Variants in RYR1 observed in about 807,000 individuals in gnomAD.
RYR1 encodes central core disease of muscle.
In RYR1, 342 loss-of-function variants were observed where a neutral mutation model predicts 583.5. The observed-to-expected ratio is 0.59, with a 90% CI of 0.54 to 0.64. The LOEUF (loss-of-function observed/expected upper bound fraction) is 0.64, where lower values mean the gene tolerates loss of function less well. RYR1 is among the 30% of genes least tolerant of loss of function. The pLI, the probability that RYR1 is intolerant of heterozygous loss-of-function variation, is 0.00. For missense variants in RYR1, 6,032 were observed against 6,917.2 expected (o/e 0.87, Z 4.54); for synonymous variants, 2,791 against 2,822.5 (o/e 0.99, Z 0.35).
chr19:38,523,994 C>T lies in RYR1; in HGVS notation c.10455+65C>T, dbSNP rs374907503. The T allele has an allele frequency of 1.5e-4, 234 of 1,583,518 alleles. 1 individual carries two copies. In the African/African-American group the frequency reaches 2.7e-3, roughly 18 times the overall value. On this transcript the variant is annotated intron_variant, in intron 70 of 105. Transcript: ENST00000359596. ...TAATGCCCTCTTCCCCCAGCCTCTGCACGCCCCCGCCTCGAGAAAACCCCT... is the reference window on the plus strand; with the variant it reads ...TAATGCCCTCTTCCCCCAGCCTCTGTACGCCCCCGCCTCGAGAAAACCCCT...
intron 100 of RYR1, 21 bp from the exon 101 acceptor site, chr19:38,580,349 C>T (rs1442864252): frequency 6.2e-7 from 1 of 1,613,524 alleles, no homozygotes; most frequent in Non-Finnish European, 8.5e-7. Context: ...CGGAGCTGAC[C>T]TGGCCCCATC....
intron 99 of RYR1, among the ~76,000 whole-genome samples, chr19:38,579,163 G>A (rs1340867506): frequency 3.3e-5 from 5 of 151,460 alleles, no homozygotes; most frequent in South Asian, 2.1e-4. Context: ...GCTCAGGCCT[G>A]TAATCCCAGC....
intron 89 of RYR1, among the ~76,000 whole-genome samples, chr19:38,560,802 T>G (rs1973097057): frequency 6.7e-6 from 1 of 150,312 alleles, no homozygotes; most frequent in South Asian, 2.1e-4. Context: ...GAGGATCCCT[T>G]GAGCCCAGGA....
At chr19:38,448,939 G>C in intron 11 of RYR1, 126 bp downstream of exon 11, 1 of 916,606 alleles carries the variant, frequency 1.1e-6, no homozygotes, top group South Asian at 1.4e-5. Flanking sequence ...GTGAGATGGG[G>C]TGCAGGAGGG....
chr19:38,530,987 CTTTT>C (rs59244176), intron 76 of RYR1, among the ~76,000 whole-genome samples: 3 of 129,374 alleles, frequency 2.3e-5, no homozygotes, highest in Non-Finnish European at 3.2e-5. Flanking sequence ...TTTTCTTTCT[CTTTT>C]TTTTTTTTTT....
Position 38,433,722 on chromosome 19 carries a change from TGTCTCCAGAG to T in RYR1, c.-101_-92del. ...CCATCTACCTCGCGGGTGCCTCTGG[TGTCTCCAGAG>T]GTCTCCGACCCCAGCCCGCCCCCAG... On this transcript the variant is annotated 5_prime_UTR_variant, in exon 1 of 106. Transcript: ENST00000359596. 1.2e-6 allele frequency: 1 copy of T among 808,134 alleles called. No individual in the cohort carries two copies. The highest frequency in any genetic ancestry group is 2.1e-6 in the Non-Finnish European group (1 of 475,414). 50.1% of individuals were successfully genotyped at this position (808,134 alleles called of 1,614,324 possible). A position where few individuals can be genotyped will look rare whatever the true frequency, so the allele number is the denominator to read the frequency against.
At chr19:38,503,927 C>T (rs1304775598) in intron 49 of RYR1, among the ~76,000 whole-genome samples, 1 of 152,136 alleles carries the variant, frequency 6.6e-6, no homozygotes, top group Non-Finnish European at 1.5e-5. Flanking sequence ...ACTACATACC[C>T]ATGGATTAAT....
In RYR1 at chr19:38,504,993, C is replaced by T. The variant is rs1970375792; in HGVS notation, c.8232-10C>T. 10 of 1,614,062 alleles carry T rather than the reference C, an allele frequency of 6.2e-6. No homozygotes were observed. The East Asian group carries it at 2.2e-4, about 36-fold the overall frequency. ...AGCTCCAACATCTGCTGACCCTGTG[C>T]CCCCAACAGTGTGATCATCCCGGAG... On this transcript the variant is annotated splice_polypyrimidine_tract_variant and intron_variant, in intron 51 of 105. Transcript: ENST00000359596.
At position 38,443,584 on chromosome 19, in the gene RYR1, G is replaced by T. The variant is rs144241486; in HGVS notation, c.297G>T (p.Thr99=). 1.2e-6 allele frequency: 2 copies of T among 1,614,098 alleles called. No homozygotes were observed. Among genetic ancestry groups the T allele is most frequent in the Non-Finnish European group, 1.7e-6 (2 of 1,179,976 alleles). ...CATCCCAGGGCGGGGGACACAGGAC[G>T]CTCCTGTATGGCCATGCCATCCTGC... ...VESSQGGGHR[T]LLYGHAILLR... is the part of the protein sequence containing the mutation. Residue 99 remains threonine, a synonymous_variant, in exon 4 of 106, where the codon ACG becomes ACT. Coordinates refer to ENST00000359596, the MANE Select transcript of RYR1 (RefSeq NM_000540.3).
chr19:38,493,565 G>C (rs1969658333), intron 38 of RYR1, among the ~76,000 whole-genome samples: 1 of 148,154 alleles, frequency 6.7e-6, no homozygotes, highest in East Asian at 2.0e-4. Context: ...GCCCAGGCTA[G>C]ATAGAGTGCA....
At chr19:38,437,163 G>A (rs1437680208) in intron 1 of RYR1, among the ~76,000 whole-genome samples, 1 of 151,554 alleles carries the variant, frequency 6.6e-6, no homozygotes, top group Non-Finnish European at 1.5e-5. Context: ...CGATTCTCCT[G>A]TCTCAGCCTC....
At chr19:38,485,499 A>C in intron 33 of RYR1, 91 bp from the exon 34 acceptor site, 1 of 1,509,326 alleles carries the variant, frequency 6.6e-7, no homozygotes, top group South Asian at 1.1e-5. Flanking sequence ...ATGGGTGGAT[A>C]GTGATGAAGG....
chr19:38,506,231 C>A, intron 54 of RYR1, 72 bp from the exon 55 acceptor site: 1 of 1,496,498 alleles, frequency 6.7e-7, no homozygotes, highest in Non-Finnish European at 9.3e-7. Context: ...ACTAGTGGGG[C>A]CTGGGGAGGG....
Position 38,467,772 on chromosome 19 carries a change from T to G in RYR1, c.3341T>G (p.Leu1114Arg). 1 of 1,614,190 alleles carries G rather than the reference T, an allele frequency of 6.2e-7. No homozygotes were observed. Among genetic ancestry groups the G allele is most frequent in the Non-Finnish European group, 8.5e-7 (1 of 1,180,032 alleles). The change falls in exon 25 of 106, where the codon CTG becomes CGG. Residue 1114 changes from leucine to arginine, a missense_variant. Leu to Arg is a moderately radical substitution (Grantham distance 102). Around this residue, in one of 11 missense-constraint regions of RYR1, gnomAD observed 2,627 missense variants for 2,961.3 expected, o/e 0.89. Transcript: ENST00000359596. ...CCCGAGCTGAGGCCTGATGTAGAGCTGGGAGCTGACGAGCTGGCCTATGTC... is the reference window on the plus strand; with the variant it reads ...CCCGAGCTGAGGCCTGATGTAGAGCGGGGAGCTGACGAGCTGGCCTATGTC... ...ARPELRPDVE[L>R]GADELAYVFN...
At chr19:38,534,989 C>T (rs570571604) in intron 79 of RYR1, 152 bp from the exon 80 acceptor site, 3 of 1,013,430 alleles carry the variant, frequency 3.0e-6, no homozygotes, top group South Asian at 1.4e-5. Flanking sequence ...CAATTTCTCA[C>T]TCATCCTTCA....
intron 50 of RYR1, 45 bp downstream of exon 50, chr19:38,504,405 G>C: frequency 6.2e-7 from 1 of 1,602,050 alleles, no homozygotes; most frequent in Non-Finnish European, 8.5e-7. Flanking sequence ...TGGAGGGTTT[G>C]GGGCCCAAAA....
At chr19:38,531,429 G>T (rs990485836) in intron 76 of RYR1, among the ~76,000 whole-genome samples, 1 of 151,806 alleles carries the variant, frequency 6.6e-6, no homozygotes, top group African/African-American at 2.4e-5. Context: ...TATATACAAG[G>T]CACCTAGAAC....
intron 89 of RYR1, among the ~76,000 whole-genome samples, chr19:38,559,981 G>A (rs1973053228): frequency 1.3e-5 from 2 of 151,162 alleles, no homozygotes; most frequent in South Asian, 2.1e-4. Context: ...GAGTGAGTGC[G>A]GTCAAGAACA....
intron 67 of RYR1, among the ~76,000 whole-genome samples, chr19:38,522,220 ATATG>A (rs1389222238): frequency 6.6e-6 from 1 of 152,146 alleles, no homozygotes; most frequent in Non-Finnish European, 1.5e-5. Context: ...TATATAATAC[ATATG>A]TATGTATCAT....
Sources: gnomAD v4.1 joint callset for allele counts (sites outside exome capture counted in the v4.1 genomes callset) on GRCh38, gnomAD v4.1.1 for gene constraint, gnomAD v4.1.1 regional missense constraint, MANE v1.5 for transcripts, NCBI Gene and HGNC (gene_info 2026-07-23, HGNC 2026-07-21) for gene names.